Variants in PARD3 observed in about 807,000 individuals in gnomAD.
PARD3 encodes partitioning defective 3 homolog.
In PARD3, 75 loss-of-function variants were observed where a neutral mutation model predicts 155.4. That is an observed-to-expected ratio of 0.48 (90% CI 0.40 to 0.58). PARD3 has a LOEUF of 0.58. Ranked by LOEUF, PARD3 falls within the 20% of genes least tolerant of loss-of-function variation. The pLI is 0.00. For synonymous variants in PARD3, 576 were observed against 610.5 expected, an observed-to-expected ratio of 0.94 and a Z score of 0.83; for missense variants, 1,642 against 1,721.7, an observed-to-expected ratio of 0.95 and a Z score of 0.82.
intron 2 of PARD3, among the ~76,000 whole-genome samples, chr10:34,681,733 TATATATATATA>T (rs2093828473): frequency 1.4e-4 from 2 of 14,574 alleles, no homozygotes; most frequent in South Asian, 2.1e-3. Context: ...ATGTATTTTA[TATATATATATA>T]TATATATATA....
At chr10:34,439,305 G>C (rs1044415778) in intron 5 of PARD3, among the ~76,000 whole-genome samples, 1 of 151,944 alleles carries the variant, frequency 6.6e-6, no homozygotes, top group Non-Finnish European at 1.5e-5. Flanking sequence ...TAGGAAAAGA[G>C]GTGGTGCTTC....
chr10:34,492,833 T>C (rs2080007469), intron 3 of PARD3, among the ~76,000 whole-genome samples: 2 of 152,240 alleles, frequency 1.3e-5, no homozygotes, highest in South Asian at 2.1e-4. Flanking sequence ...ATTTAGAAAC[T>C]TAGGTCGAAT....
At chr10:34,144,839 A>G (rs1435260199) in intron 22 of PARD3, among the ~76,000 whole-genome samples, 1 of 152,052 alleles carries the variant, frequency 6.6e-6, no homozygotes, top group Non-Finnish European at 1.5e-5. Flanking sequence ...TATTAAGCCC[A>G]ATTTTTTTCC....
chr10:34,164,081 G>A (rs964440699), intron 22 of PARD3, among the ~76,000 whole-genome samples: 1 of 152,218 alleles, frequency 6.6e-6, no homozygotes, highest in South Asian at 2.1e-4. Context: ...GAAAGACAGC[G>A]AGTAGTAAAT....
At chr10:34,493,375 TGA>T (rs1231144361) in intron 3 of PARD3, among the ~76,000 whole-genome samples, 1 of 152,180 alleles carries the variant, frequency 6.6e-6, no homozygotes, top group Non-Finnish European at 1.5e-5. Flanking sequence ...TACCATTGCA[TGA>T]GAGAGAATTA....
intron 15 of PARD3, chr10:34,346,452 A>G (rs1257520871): frequency 7.4e-7 from 1 of 1,349,026 alleles, no homozygotes; most frequent in Non-Finnish European, 9.9e-7. Context: ...CTATGTTCCT[A>G]TAATAAAGGG....
chr10:34,178,911 T>A (rs545137315), intron 22 of PARD3, among the ~76,000 whole-genome samples: 1 of 152,248 alleles, frequency 6.6e-6, no homozygotes, highest in South Asian at 2.1e-4. Context: ...TTGGTTAGGA[T>A]GTGACAGGAA....
chr10:34,588,784 G>A (rs1369616833), intron 2 of PARD3, among the ~76,000 whole-genome samples: 1 of 152,170 alleles, frequency 6.6e-6, no homozygotes, highest in Non-Finnish European at 1.5e-5. Context: ...TCAAGCTATG[G>A]TCTGAGGGCT....
intron 2 of PARD3, among the ~76,000 whole-genome samples, chr10:34,648,644 G>A (rs1020403111): frequency 2.6e-5 from 4 of 152,120 alleles, no homozygotes; most frequent in Non-Finnish European, 4.4e-5. Flanking sequence ...CCTGACAGGC[G>A]GCGGAGCTCA....
chr10:34,745,452 GAGAA>G (rs1196191702), intron 1 of PARD3, among the ~76,000 whole-genome samples: 1 of 146,126 alleles, frequency 6.8e-6, no homozygotes, highest in African/African-American at 2.8e-5. Flanking sequence ...GGGAAAGAGA[GAGAA>G]AGAGAGAGGG....
intron 2 of PARD3, among the ~76,000 whole-genome samples, chr10:34,574,155 C>A (rs1186179494): frequency 6.6e-6 from 1 of 151,674 alleles, no homozygotes; most frequent in Non-Finnish European, 1.5e-5. Context: ...GTTATATTTT[C>A]TAAGAATTTT....
chr10:34,151,478 G>A (rs1326942068), intron 22 of PARD3, among the ~76,000 whole-genome samples: 1 of 152,030 alleles, frequency 6.6e-6, no homozygotes, highest in African/African-American at 2.4e-5. Context: ...AAACATGAGT[G>A]TATATATGTA....
chr10:34,187,725 C>T (rs936295988), intron 22 of PARD3, among the ~76,000 whole-genome samples: 24 of 152,212 alleles, frequency 1.6e-4, no homozygotes, highest in African/African-American at 5.8e-4. Context: ...TCCACATTGG[C>T]AAACTGTTTT....
chr10:34,446,976 A>G (rs1165962974), intron 5 of PARD3, among the ~76,000 whole-genome samples: 1 of 152,202 alleles, frequency 6.6e-6, no homozygotes, highest in African/African-American at 2.4e-5. Flanking sequence ...TAATAATTTT[A>G]AAAATTAATA....
rs1396927249 is a variant in PARD3 at position 34,625,514 on chromosome 10, G to A, written c.222+70804C>T. ...GTCCATGCACTCAAGTTGACACAACGTAGCTAGAAAAGTACAAGCTCGGTC... is the reference window on the plus strand; with the variant it reads ...GTCCATGCACTCAAGTTGACACAACATAGCTAGAAAAGTACAAGCTCGGTC... On this transcript the variant is annotated intron_variant, in intron 2 of 24. Transcript: ENST00000374788. Among the ~76,000 whole-genome samples, 7 of 152,346 alleles carry A rather than the reference G, an allele frequency of 4.6e-5. No homozygotes were observed. The East Asian group carries it at 9.7e-4, about 21-fold the overall frequency.
chr10:34,724,469 T>G (rs2094664641), intron 1 of PARD3, among the ~76,000 whole-genome samples: 1 of 152,214 alleles, frequency 6.6e-6, no homozygotes, highest in African/African-American at 2.4e-5. Flanking sequence ...CTGGTAAATT[T>G]CTAAACTTGC....
chr10:34,755,528 T>C (rs1341827304), intron 1 of PARD3, among the ~76,000 whole-genome samples: 1 of 152,176 alleles, frequency 6.6e-6, no homozygotes, highest in South Asian at 2.1e-4. Context: ...TGAGAGGTCA[T>C]AACTTGGTGT....
intron 2 of PARD3, among the ~76,000 whole-genome samples, chr10:34,611,747 T>C (rs1034127025): frequency 6.6e-6 from 1 of 151,744 alleles, no homozygotes; most frequent in African/African-American, 2.4e-5. Flanking sequence ...AGCTAAAAAC[T>C]GCTGAATTTA....
intron 1 of PARD3, among the ~76,000 whole-genome samples, chr10:34,803,802 C>CG (rs1277422797): frequency 6.6e-6 from 1 of 151,590 alleles, no homozygotes; most frequent in African/African-American, 2.4e-5. Flanking sequence ...GACTCCATCT[C>CG]GGAAAATAAA....
Sources: gnomAD v4.1 joint callset for allele counts (sites outside exome capture counted in the v4.1 genomes callset) on GRCh38, gnomAD v4.1.1 for gene constraint, MANE v1.5 for transcripts, NCBI Gene and HGNC (gene_info 2026-07-23, HGNC 2026-07-21) for gene names.